Variants in SERPINB11 observed in about 807,000 individuals in gnomAD.
The protein encoded by SERPINB11 is serpin B11.
SERPINB11 carries 32 observed loss-of-function variants against 36.7 expected under a neutral mutation model. The observed-to-expected ratio is 0.87, with a 90% CI of 0.66 to 1.17. SERPINB11 has a LOEUF of 1.17. Ranked by LOEUF, SERPINB11 falls within the 50% of genes most tolerant of loss-of-function variation. The pLI, the probability that SERPINB11 is intolerant of heterozygous loss-of-function variation, is 0.00. For synonymous variants in SERPINB11, 174 were observed against 168.1 expected (o/e 1.04, Z -0.27); for missense variants, 528 against 458.4 (o/e 1.15, Z -1.39).
chr18:63,711,236 T>A lies in SERPINB11; in HGVS notation c.169-99T>A, dbSNP rs2144536246. ...ATTAAATGTTAGCTATCACTACTGA[T>A]CTTGATCTAAAATAGAAAAATAGAT... is the stretch of plus-strand genomic sequence containing the variant. On this transcript the variant is annotated intron_variant, in intron 2 of 7. Coordinates refer to ENST00000544088, the MANE Select transcript of SERPINB11 (RefSeq NM_001370475.1). 3 of 827,406 alleles carry A rather than the reference T, an allele frequency of 3.6e-6. No homozygotes were observed. In the East Asian group the frequency reaches 7.3e-5, roughly 20 times the overall value. The allele number at this position is 827,406 out of a possible 1,614,324, so 51.3% of individuals were successfully genotyped here.
intron 5 of SERPINB11, 87 bp from the exon 6 acceptor site, chr18:63,719,926 G>C: frequency 9.1e-7 from 1 of 1,098,002 alleles, no homozygotes; most frequent in African/African-American, 1.6e-5. Context: ...TCTTAAAAAA[G>C]AAATGGCTCT....
At chr18:63,712,714 G>T (rs746793602) in intron 4 of SERPINB11, 21 bp downstream of exon 4, 2 of 1,604,574 alleles carry the variant, frequency 1.2e-6, no homozygotes, top group Non-Finnish European at 1.7e-6. Context: ...TTGGAAGAGT[G>T]ATCAACAACT....
rs1211853369 is a variant in SERPINB11, at chr18:63,723,145, C to T, written c.925C>T (p.Leu309Phe). The part of the protein sequence containing the change: ...SLLKSLGVTD[L>F]FNQVKADLSG... ...GTTAAAATCTCTAGGGGTGACAGAT[C>T]TCTTCAACCAGGTCAAAGCTGATCT... Residue 309 changes from leucine to phenylalanine, a missense_variant, in exon 8 of 8, where the codon CTC (leucine) becomes TTC (phenylalanine). Coordinates refer to ENST00000544088, the MANE Select transcript of SERPINB11 (RefSeq NM_001370475.1). 6.2e-7 allele frequency: 1 copy of T among 1,611,250 alleles called. No individual in the cohort carries two copies. The highest frequency in any genetic ancestry group is 1.3e-5 in the African/African-American group (1 of 75,016).
At chr18:63,722,916 G>A (rs1914851070) in intron 7 of SERPINB11, 79 bp from the exon 8 acceptor site, 4 of 1,389,192 alleles carry the variant, frequency 2.9e-6, no homozygotes, top group Non-Finnish European at 2.9e-6. Context: ...CTCACACTGA[G>A]AATTATAAAA....
At chr18:63,719,975 T>C in intron 5 of SERPINB11, 38 bp from the exon 6 acceptor site, 1 of 1,537,472 alleles carries the variant, frequency 6.5e-7, no homozygotes, top group East Asian at 2.3e-5. Context: ...TTATCAGGAG[T>C]TCAAATCCAA....
intron 6 of SERPINB11, 161 bp downstream of exon 6, chr18:63,720,316 G>A (rs1182409526): frequency 3.0e-6 from 2 of 675,452 alleles, no homozygotes; most frequent in African/African-American, 3.7e-5. Context: ...CCTTTATTAA[G>A]TGACAATAAC....
rs1394297652 is a variant in SERPINB11, at chr18:63,723,062, A to T, written c.842A>T (p.Glu281Val). ...WTSSSNMMER[E>V]VEVHLPRFKL... ...AGCTCTTCTAACATGATGGAAAGAG[A>T]AGTTGAAGTACACCTCCCCCGATTC... is the stretch of plus-strand genomic sequence containing the variant. The change falls in exon 8 of 8, where the codon GAA (glutamate) becomes GTA (valine). Residue 281 changes from glutamate (E) to valine (V), a missense_variant. Glu to Val is a moderately radical substitution (Grantham distance 121). Coordinates refer to ENST00000544088, the MANE Select transcript of SERPINB11 (RefSeq NM_001370475.1). 2 of 1,605,120 alleles carry T rather than the reference A, an allele frequency of 1.2e-6. No individual in the cohort carries two copies. Among genetic ancestry groups the T allele is most frequent in the Non-Finnish European group, 1.7e-6 (2 of 1,175,670 alleles).
chr18:63,717,222 T>C (rs1914692226), intron 5 of SERPINB11, among the ~76,000 whole-genome samples: 1 of 152,118 alleles, frequency 6.6e-6, no homozygotes. Flanking sequence ...TGTTCATTTT[T>C]ATTAATATAC....
At chr18:63,717,759 T>C (rs1396524397) in intron 5 of SERPINB11, among the ~76,000 whole-genome samples, 2 of 151,940 alleles carry the variant, frequency 1.3e-5, no homozygotes, top group Non-Finnish European at 2.9e-5. Context: ...TGCAAGTAAC[T>C]TCTACTATTT....
chr18:63,718,348 G>A (rs534079446), intron 5 of SERPINB11, among the ~76,000 whole-genome samples: 63 of 151,962 alleles, frequency 4.1e-4, no homozygotes, highest in South Asian at 4.2e-4. Flanking sequence ...AATGTTAATA[G>A]GATTTATATA....
chr18:63,722,945 A>T (rs1177614068), intron 7 of SERPINB11, 50 bp from the exon 8 acceptor site: 4 of 1,473,156 alleles, frequency 2.7e-6, no homozygotes, highest in Non-Finnish European at 3.6e-6. Flanking sequence ...TATTTAATGT[A>T]GAGGTCGTGT....
intron 5 of SERPINB11, among the ~76,000 whole-genome samples, chr18:63,717,962 A>G (rs1008068947): frequency 1.3e-5 from 2 of 151,998 alleles, no homozygotes; most frequent in African/African-American, 4.8e-5. Flanking sequence ...ATTTTCTAGA[A>G]GTTTTATTGT....
chr18:63,707,677 T>C (rs1255398750), intron 1 of SERPINB11, among the ~76,000 whole-genome samples: 1 of 152,196 alleles, frequency 6.6e-6, no homozygotes, highest in Admixed American at 6.5e-5. Flanking sequence ...TCCTCTCTAC[T>C]TGATTATGTG....
intron 5 of SERPINB11, among the ~76,000 whole-genome samples, chr18:63,717,936 A>G (rs903085039): frequency 1.2e-4 from 19 of 152,088 alleles, no homozygotes; most frequent in Middle Eastern, 3.4e-3. Flanking sequence ...AGTTTGTGAA[A>G]ATATTTTCGT....
At chr18:63,714,568 G>T (rs769017103) in intron 4 of SERPINB11, among the ~76,000 whole-genome samples, 1 of 152,058 alleles carries the variant, frequency 6.6e-6, no homozygotes, top group Non-Finnish European at 1.5e-5. Context: ...CCCTAGGAAC[G>T]CATTCTCTTT....
At chr18:63,707,752 A>G (rs989176254) in intron 1 of SERPINB11, among the ~76,000 whole-genome samples, 1 of 152,248 alleles carries the variant, frequency 6.6e-6, no homozygotes, top group African/African-American at 2.4e-5. Flanking sequence ...TCCTTCTGCA[A>G]ACATGTACTG....
intron 4 of SERPINB11, among the ~76,000 whole-genome samples, chr18:63,715,164 C>T (rs1345989605): frequency 6.6e-6 from 1 of 152,108 alleles, no homozygotes; most frequent in African/African-American, 2.4e-5. Flanking sequence ...TTGTATTGTT[C>T]TATTCAGTTC....
Position 63,723,136 on chromosome 18 carries a change from G to A in SERPINB11, c.916G>A (p.Val306Met), listed in dbSNP as rs761870235. 8 of 1,610,492 alleles carry A rather than the reference G, an allele frequency of 5.0e-6. No homozygotes were observed. The highest frequency in any genetic ancestry group is 6.8e-6 in the Non-Finnish European group (8 of 1,178,012). Residue 306 changes from valine (V) to methionine (M), a missense_variant, in exon 8 of 8, where the codon GTG becomes ATG. Transcript: ENST00000544088. ...ELNSLLKSLG[V>M]TDLFNQVKAD... is the part of the protein sequence containing the mutation. ...AAATTCCCTGTTAAAATCTCTAGGGGTGACAGATCTCTTCAACCAGGTCAA... is the reference window on the plus strand; with the variant it reads ...AAATTCCCTGTTAAAATCTCTAGGGATGACAGATCTCTTCAACCAGGTCAA...
chr18:63,722,083 C>T (rs1166651777), intron 7 of SERPINB11, among the ~76,000 whole-genome samples: 3 of 152,134 alleles, frequency 2.0e-5, no homozygotes, highest in South Asian at 4.1e-4. Flanking sequence ...AGGGGCCCTG[C>T]TAAACTGAGC....
Sources: gnomAD v4.1 joint callset for allele counts (sites outside exome capture counted in the v4.1 genomes callset) on GRCh38, gnomAD v4.1.1 for gene constraint, MANE v1.5 for transcripts, NCBI Gene and HGNC (gene_info 2026-07-23, HGNC 2026-07-21) for gene names.